Variants in VWA8 observed in about 807,000 individuals in gnomAD.
The protein encoded by VWA8 is von Willebrand factor A domain containing 8, also known as von Willebrand factor A domain-containing protein 8.
Under a neutral mutation model 241.5 loss-of-function variants are expected in VWA8, and 221 were observed. The ratio of observed to expected loss-of-function variants is 0.91; its 90% confidence interval spans 0.82 to 1.02. The LOEUF (loss-of-function observed/expected upper bound fraction) is 1.02, where lower values mean the gene tolerates loss of function less well. Ranked by LOEUF, VWA8 falls within the 50% of genes least tolerant of loss-of-function variation. VWA8 has a pLI of 0.00. For missense variants in VWA8, 2,322 were observed against 2,328.7 expected (o/e 1.00, Z 0.06); for synonymous variants, 852 against 827.1 (o/e 1.03, Z -0.52).
chr13:41,889,490 T>C (rs1009255936), intron 5 of VWA8, among the ~76,000 whole-genome samples: 3 of 152,042 alleles, frequency 2.0e-5, no homozygotes, highest in African/African-American at 7.2e-5. Context: ...GCGATTCTCC[T>C]GCCTCAGCCT....
chr13:41,854,965 C>T (rs1872678122), intron 12 of VWA8, among the ~76,000 whole-genome samples: 1 of 152,062 alleles, frequency 6.6e-6, no homozygotes, highest in South Asian at 2.1e-4. Context: ...TCCCTTAAGG[C>T]TGGAGTTATA....
chr13:41,848,203 A>G (rs1333028408), intron 12 of VWA8, among the ~76,000 whole-genome samples: 1 of 152,174 alleles, frequency 6.6e-6, no homozygotes, highest in Non-Finnish European at 1.5e-5. Context: ...GCCTTTTCTG[A>G]ATTGCTACTC....
intron 17 of VWA8, among the ~76,000 whole-genome samples, chr13:41,789,320 G>T (rs1399416622): frequency 6.6e-6 from 1 of 152,068 alleles, no homozygotes; most frequent in Non-Finnish European, 1.5e-5. Context: ...ATGAATGAAT[G>T]AAATATTACT....
chr13:41,832,188 C>T (rs1871500025), intron 13 of VWA8, among the ~76,000 whole-genome samples: 1 of 152,148 alleles, frequency 6.6e-6, no homozygotes, highest in African/African-American at 2.4e-5. Flanking sequence ...CTCGGCCTCC[C>T]AAAGCACTGG....
chr13:41,692,294 A>C (rs2045183497), intron 30 of VWA8, among the ~76,000 whole-genome samples: 1 of 152,098 alleles, frequency 6.6e-6, no homozygotes, highest in Non-Finnish European at 1.5e-5. Flanking sequence ...TGACATTAAA[A>C]AAAATCACTC....
intron 42 of VWA8, among the ~76,000 whole-genome samples, chr13:41,579,549 T>G (rs2139638728): frequency 6.6e-6 from 1 of 152,236 alleles, no homozygotes; most frequent in East Asian, 1.9e-4. Flanking sequence ...TTAGAAAGTC[T>G]CTAACACTGT....
chr13:41,704,161 T>A (rs112178290), intron 26 of VWA8, among the ~76,000 whole-genome samples: 5 of 152,230 alleles, frequency 3.3e-5, no homozygotes, highest in Admixed American at 2.6e-4. Flanking sequence ...TATTTTGGCA[T>A]CTTAATTTTT....
chr13:41,874,069 G>A (rs1315665064), intron 9 of VWA8, among the ~76,000 whole-genome samples: 3 of 151,526 alleles, frequency 2.0e-5, no homozygotes, highest in East Asian at 1.9e-4. Flanking sequence ...TATAAACAGA[G>A]CCAAAGACAA....
At chr13:41,829,561 ACACACATG>A (rs1159400780) in intron 14 of VWA8, among the ~76,000 whole-genome samples, 1 of 141,218 alleles carries the variant, frequency 7.1e-6, no homozygotes, top group Non-Finnish European at 1.6e-5. Flanking sequence ...ACACACACAC[ACACACATG>A]CACACACACA....
intron 34 of VWA8, among the ~76,000 whole-genome samples, chr13:41,688,067 G>A (rs2045148865): frequency 6.6e-6 from 1 of 151,884 alleles, no homozygotes; most frequent in Non-Finnish European, 1.5e-5. Context: ...ATTGTAGAAA[G>A]CATATAAAAC....
intron 40 of VWA8, among the ~76,000 whole-genome samples, chr13:41,604,292 T>C (rs960863142): frequency 4.6e-5 from 7 of 152,190 alleles, no homozygotes; most frequent in Non-Finnish European, 8.8e-5. Flanking sequence ...TATGCTGTTT[T>C]ATCCTAAATA....
intron 38 of VWA8, 31 bp from the exon 39 acceptor site, chr13:41,611,763 A>C (rs1298697635): frequency 6.2e-7 from 1 of 1,612,594 alleles, no homozygotes; most frequent in Admixed American, 1.7e-5. Flanking sequence ...TTCAGATGAT[A>C]AATCTGAACT....
chr13:41,870,364 C>T (rs114870013), intron 9 of VWA8, among the ~76,000 whole-genome samples: 2,043 of 152,116 alleles, frequency 0.013, 24 homozygotes, highest in Middle Eastern at 0.048. Context: ...AATGGCTGGG[C>T]GCAAAGGCTA....
intron 37 of VWA8, among the ~76,000 whole-genome samples, chr13:41,649,905 G>A (rs1487545176): frequency 6.6e-6 from 1 of 152,132 alleles, no homozygotes; most frequent in Non-Finnish European, 1.5e-5. Flanking sequence ...ACTGCAACAC[G>A]TGTTGTGCCT....
At chr13:41,756,689 T>G (rs1287072215) in intron 21 of VWA8, among the ~76,000 whole-genome samples, 1 of 151,740 alleles carries the variant, frequency 6.6e-6, no homozygotes, top group Non-Finnish European at 1.5e-5. Context: ...ACTTCCTCTT[T>G]TCTGGAGTAT....
intron 2 of VWA8, among the ~76,000 whole-genome samples, chr13:41,948,634 C>G (rs1279265130): frequency 2.0e-5 from 3 of 152,050 alleles, no homozygotes; most frequent in Non-Finnish European, 4.4e-5. Context: ...CACTGTCGGT[C>G]AAAGGTAAAA....
chr13:41,772,317 G>T (rs1160359497), intron 20 of VWA8, among the ~76,000 whole-genome samples: 2 of 152,094 alleles, frequency 1.3e-5, no homozygotes, highest in African/African-American at 4.8e-5. Flanking sequence ...AGAAAACCAG[G>T]TCTGGGAAGG....
At chr13:41,661,364 T>C (rs1485689043) in intron 37 of VWA8, among the ~76,000 whole-genome samples, 2 of 152,184 alleles carry the variant, frequency 1.3e-5, no homozygotes, top group African/African-American at 4.8e-5. Flanking sequence ...GGAGGCATTC[T>C]GGAAACTCTG....
At chr13:41,833,664 T>C in intron 12 of VWA8, 133 bp from the exon 13 acceptor site, 1 of 1,096,854 alleles carries the variant, frequency 9.1e-7, no homozygotes, top group Non-Finnish European at 1.2e-6. Flanking sequence ...AGAAGTCATC[T>C]TCTCCAATTC....
Sources: gnomAD v4.1 joint callset for allele counts (sites outside exome capture counted in the v4.1 genomes callset) on GRCh38, gnomAD v4.1.1 for gene constraint, MANE v1.5 for transcripts, NCBI Gene and HGNC (gene_info 2026-07-23, HGNC 2026-07-21) for gene names.